PARD3B: variants seen among roughly 807,000 people sequenced by gnomAD.
PARD3B encodes par-3 family cell polarity regulator beta.
PARD3B carries 103 observed loss-of-function variants against 130.2 expected under a neutral mutation model. That is an observed-to-expected ratio of 0.79 (90% CI 0.67 to 0.93). PARD3B has a LOEUF of 0.93. Ranked by LOEUF, PARD3B falls within the 40% of genes least tolerant of loss-of-function variation. The pLI, the probability that PARD3B is intolerant of heterozygous loss-of-function variation, is 0.00. For synonymous variants in PARD3B, 583 were observed against 553.2 expected (o/e 1.05, Z -0.76); for missense variants, 1,609 against 1,499.2 (o/e 1.07, Z -1.21).
intron 1 of PARD3B, among the ~76,000 whole-genome samples, chr2:204,638,659 C>T (rs2034970969): frequency 6.6e-6 from 1 of 151,962 alleles, no homozygotes; most frequent in African/African-American, 2.4e-5. Flanking sequence ...TAGACTATGC[C>T]ATCTGTAAGC....
intron 2 of PARD3B, among the ~76,000 whole-genome samples, chr2:204,846,924 A>G (rs1466290537): frequency 6.6e-6 from 1 of 151,980 alleles, no homozygotes. Flanking sequence ...AAAGGAGATA[A>G]TTAGAGTCGT....
chr2:205,564,129 A>G lies in PARD3B; in HGVS notation c.3260+10726A>G, dbSNP rs6723919. ...TAAGATTGCACACAGAACTAGTGAC[A>G]GGTTTTGGAGTCAGTTCAGTATTTT... On this transcript the variant is annotated intron_variant, in intron 22 of 22. Coordinates refer to ENST00000406610, the MANE Select transcript of PARD3B (RefSeq NM_001302769.2). The surrounding 1 kb of genome is among the most constrained non-coding windows in gnomAD (Gnocchi z 4.6). Among the ~76,000 whole-genome samples the G allele has an allele frequency of 0.017, 2,583 of 152,308 alleles. 76 individuals are homozygous for G. The highest frequency in any genetic ancestry group is 0.058 in the African/African-American group (2,419 of 41,544).
At chr2:205,613,544 A>G (rs537225696) in intron 22 of PARD3B, among the ~76,000 whole-genome samples, 3 of 152,372 alleles carry the variant, frequency 2.0e-5, no homozygotes, top group African/African-American at 7.2e-5. Context: ...GGCTAGAGTG[A>G]CAGATTATCC....
chr2:205,065,931 G>A (rs1306305130), intron 4 of PARD3B, among the ~76,000 whole-genome samples: 5 of 151,836 alleles, frequency 3.3e-5, no homozygotes, highest in African/African-American at 9.7e-5. Flanking sequence ...GGACTAAGAC[G>A]GCCCCCATTT....
intron 2 of PARD3B, among the ~76,000 whole-genome samples, chr2:204,936,733 T>G (rs1688489224): frequency 6.6e-6 from 1 of 152,190 alleles, no homozygotes; most frequent in Admixed American, 6.5e-5. Context: ...ATGAGTTTAG[T>G]GAATACAAAT....
chr2:205,230,352 AATCCT>A lies in PARD3B; in HGVS notation c.2141-15424_2141-15420del, dbSNP rs2038771789. 6.6e-6 allele frequency among the ~76,000 whole-genome samples: 1 copy of A among 152,158 alleles called. No homozygotes were observed. Among genetic ancestry groups the A allele is most frequent in the South Asian group, 2.1e-4 (1 of 4,832 alleles). On this transcript the variant is annotated intron_variant, in intron 15 of 22. Transcript: ENST00000406610. The surrounding 1 kb of genome is among the most constrained non-coding windows in gnomAD (Gnocchi z 4.1). The stretch of plus-strand genomic sequence containing the variant: ...CATTTTCTTTAGTCAGCAAGTGATG[AATCCT>A]ACCAGGTCTGGGTTCTCCCCTTCAA...
chr2:205,462,951 C>T (rs1454262314), intron 20 of PARD3B, among the ~76,000 whole-genome samples: 1 of 152,142 alleles, frequency 6.6e-6, no homozygotes, highest in Non-Finnish European at 1.5e-5. Context: ...ATTCTGTACC[C>T]AGTTTTTAGT....
intron 4 of PARD3B, among the ~76,000 whole-genome samples, chr2:205,088,031 A>T (rs183563087): frequency 1.6e-3 from 241 of 152,322 alleles, no homozygotes; most frequent in African/African-American, 5.6e-3. Context: ...TTTTTGTGCA[A>T]TGGCATCTAG....
chr2:205,447,671 C>A (rs2047953819), intron 20 of PARD3B, among the ~76,000 whole-genome samples: 1 of 152,168 alleles, frequency 6.6e-6, no homozygotes, highest in Non-Finnish European at 1.5e-5. Flanking sequence ...GCCACCGCAC[C>A]CGGCTGATTT....
chr2:205,611,657 T>C (rs763066068), intron 22 of PARD3B, among the ~76,000 whole-genome samples: 1 of 152,186 alleles, frequency 6.6e-6, no homozygotes, highest in Non-Finnish European at 1.5e-5. Flanking sequence ...GAAATGAGCC[T>C]AATCCGAAAT....
At chr2:205,581,365 G>A (rs969957410) in intron 22 of PARD3B, among the ~76,000 whole-genome samples, 23 of 142,838 alleles carry the variant, frequency 1.6e-4, no homozygotes, top group Admixed American at 5.2e-4. Flanking sequence ...GTGTGTGTAC[G>A]TGTGTATGTA....
chr2:204,741,702 A>G (rs2040016163), intron 2 of PARD3B, among the ~76,000 whole-genome samples: 1 of 152,182 alleles, frequency 6.6e-6, no homozygotes, highest in Admixed American at 6.6e-5. Flanking sequence ...TTAGCAAATT[A>G]TACCCGTAAT....
At chr2:205,167,799 A>T (rs972372857) in intron 11 of PARD3B, among the ~76,000 whole-genome samples, 5 of 152,214 alleles carry the variant, frequency 3.3e-5, no homozygotes, top group Non-Finnish European at 7.3e-5. Context: ...CAAGTCACTT[A>T]ATTTCTCTGA....
rs2032991799 is a variant in PARD3B, at chr2:205,141,936, A to G, written c.1434+16199A>G. ...CTACAACGGAAGAAATAACTGCAGG[A>G]GCACTTGTTGACAATGTTCTTTAAA... On this transcript the variant is annotated intron_variant, in intron 10 of 22. Transcript: ENST00000406610. Among the ~76,000 whole-genome samples the G allele has an allele frequency of 3.9e-5, 6 of 152,190 alleles. No homozygotes were observed. The South Asian group carries it at 6.2e-4, about 16-fold the overall frequency.
rs370320161 is a variant in PARD3B at position 205,047,726 on chromosome 2, T to C, written c.504+36T>C. The stretch of plus-strand genomic sequence containing the variant: ...TGCTGCTTGTAGTTCTAATGAAAGA[T>C]CAAAGTGCTGTACCCATAGGTTAAG... On this transcript the variant is annotated intron_variant, in intron 4 of 22. Transcript: ENST00000406610. 9.2e-5 allele frequency: 132 copies of C among 1,435,786 alleles called. 4 individuals carry two copies. In the South Asian group the frequency reaches 1.5e-3, roughly 17 times the overall value. The allele number at this position is 1,435,786 out of a possible 1,614,324, so 88.9% of individuals were successfully genotyped here. A position where few individuals can be genotyped will look rare whatever the true frequency, so the allele number is the denominator to read the frequency against.
At chr2:204,779,528 A>G (rs962159315) in intron 2 of PARD3B, among the ~76,000 whole-genome samples, 2 of 152,228 alleles carry the variant, frequency 1.3e-5, no homozygotes, top group Non-Finnish European at 2.9e-5. Context: ...ATAGTGAAAC[A>G]TGGAACATTC....
chr2:204,720,673 C>T (rs557172061), intron 2 of PARD3B, among the ~76,000 whole-genome samples: 1 of 152,024 alleles, frequency 6.6e-6, no homozygotes, highest in Non-Finnish European at 1.5e-5. Context: ...TCAGACAATG[C>T]AGGTTTGGTA....
chr2:205,589,394 C>G lies in PARD3B; in HGVS notation c.3261-26062C>G, dbSNP rs1261466293. ...TCTCACCACAGGATCTCACCAAAAT[C>G]AGGCTCTCCAAACCTCTGTTCCCAC... On this transcript the variant is annotated intron_variant, in intron 22 of 22. Transcript: ENST00000406610. This position sits in a 1 kb window ranked among gnomAD's most constrained non-coding sequence, Gnocchi z 4.1. 6.6e-6 allele frequency among the ~76,000 whole-genome samples: 1 copy of G among 152,190 alleles called. No homozygotes were observed. Among genetic ancestry groups the G allele is most frequent in the East Asian group, 1.9e-4 (1 of 5,182 alleles).
At chr2:205,511,746 A>G (rs1016179721) in intron 21 of PARD3B, among the ~76,000 whole-genome samples, 7 of 152,226 alleles carry the variant, frequency 4.6e-5, no homozygotes, top group Admixed American at 1.3e-4. Flanking sequence ...ATGAATATCT[A>G]TCTAACTGGT....
Sources: allele counts gnomAD v4.1 joint callset (sites outside exome capture counted in the v4.1 genomes callset), GRCh38; gene constraint gnomAD v4.1.1; non-coding constraint Gnocchi (gnomAD v3.1); transcripts MANE v1.5; gene names NCBI Gene and HGNC (gene_info 2026-07-23, HGNC 2026-07-21).